The following MYH13 variants were observed in gnomAD, a reference collection of about 807,000 sequenced individuals.
MYH13 encodes myosin heavy chain 13.
In MYH13, 177 loss-of-function variants were observed where a neutral mutation model predicts 232.1. The observed-to-expected ratio is 0.76, with a 90% CI of 0.67 to 0.86. The LOEUF (loss-of-function observed/expected upper bound fraction) is 0.86. Among genes scored for constraint, MYH13 ranks in the 40% least tolerant of loss-of-function variants. The probability of loss-of-function intolerance (pLI) is 0.00; values close to 1 mark genes in which losing one functional copy is unlikely to be tolerated. For synonymous variants in MYH13, 884 were observed against 923.5 expected (o/e 0.96, Z 0.78); for missense variants, 2,246 against 2,405.9 (o/e 0.93, Z 1.39).
At chr17:10,341,507 G>C (rs2071619299) in intron 16 of MYH13, 1 of 152,130 alleles carries the variant, frequency 6.6e-6, no homozygotes, top group Non-Finnish European at 1.5e-5. Context: ...AACCCAATTT[G>C]CCATCTTAAT....
At chr17:10,372,040 C>T (rs1231991007) in intron 1 of MYH13, among the ~76,000 whole-genome samples, 1 of 152,046 alleles carries the variant, frequency 6.6e-6, no homozygotes, top group Non-Finnish European at 1.5e-5. Flanking sequence ...TTCATGAAGC[C>T]CTATTTAGGC....
chr17:10,364,335 C>T lies in MYH13; in HGVS notation c.196G>A (p.Asp66Asn), dbSNP rs755058556. Residue 66 changes from aspartate (D) to asparagine (N), a missense_variant, in exon 3 of 41, where the codon GAT (aspartate) becomes AAT (asparagine). Physicochemically the swap from Asp to Asn is conservative, Grantham distance 23. Coordinates refer to ENST00000252172, the MANE Select transcript of MYH13 (RefSeq NM_003802.3). Reference sequence around the variant, plus strand: ...CTGTAATCAACACTCACCCGGTCATCGAGGGTCTTGACTATGACTTTGTCA... The same window carrying T: ...CTGTAATCAACACTCACCCGGTCATTGAGGGTCTTGACTATGACTTTGTCA... ...ENDKVIVKTL[D>N]DRMLTLNNDQ... 1 of 1,613,076 alleles carries T rather than the reference C, an allele frequency of 6.2e-7. No homozygotes were observed. The highest frequency in any genetic ancestry group is 8.5e-7 in the Non-Finnish European group (1 of 1,179,240).
intron 12 of MYH13, 22 bp from the exon 13 acceptor site, chr17:10,346,820 G>T (rs752441769): frequency 4.4e-6 from 7 of 1,583,472 alleles, no homozygotes; most frequent in African/African-American, 1.3e-5. Context: ...GAAAAAAATG[G>T]CATCATGCAA....
At position 10,312,664 on chromosome 17, in the gene MYH13, C is replaced by A; in HGVS notation, c.4275G>T (p.Leu1425=). ...CASLEKTKQR[L]QGEVEDLMRD... ...GCATCAGATCCTCCACCTCTCCCTG[C>A]AGCCTCTGCTTGGTTTTCTCCAACG... The change falls in exon 31 of 41, where the codon CTG becomes CTT. Residue 1425 remains leucine, a synonymous_variant. Transcript: ENST00000252172. The A allele has an allele frequency of 6.2e-7, 1 of 1,613,526 alleles. No individual in the cohort carries two copies. The highest frequency in any genetic ancestry group is 8.5e-7 in the Non-Finnish European group (1 of 1,179,726).
chr17:10,311,896 G>C lies in MYH13; in HGVS notation c.4531+15C>G. The C allele has an allele frequency of 6.2e-7, 1 of 1,613,856 alleles. No individual in the cohort carries two copies. The highest frequency in any genetic ancestry group is 8.5e-7 in the Non-Finnish European group (1 of 1,179,858). On this transcript the variant is annotated intron_variant, in intron 32 of 40. Coordinates refer to ENST00000252172, the MANE Select transcript of MYH13 (RefSeq NM_003802.3). Reference sequence around the variant, plus strand: ...GAGGGGGACATAGCACACACCAGTGGTGGAGACAGCTCACCTTGCAGATTT... The same window carrying C: ...GAGGGGGACATAGCACACACCAGTGCTGGAGACAGCTCACCTTGCAGATTT...
At position 10,360,191 on chromosome 17, in the gene MYH13, A is replaced by G. The variant is rs1369564377; in HGVS notation, c.506-3T>C. 10 of 1,613,208 alleles carry G rather than the reference A, an allele frequency of 6.2e-6. No homozygotes were observed. The highest frequency in any genetic ancestry group is 8.5e-6 in the Non-Finnish European group (10 of 1,179,552). ...GAGGATAGACTGGTTGTCTCGATCTAGAAATGCAGAGGGAAGCAAAACAAA... is the reference window on the plus strand; with the variant it reads ...GAGGATAGACTGGTTGTCTCGATCTGGAAATGCAGAGGGAAGCAAAACAAA... On this transcript the variant is annotated splice_polypyrimidine_tract_variant and splice_region_variant and intron_variant, in intron 5 of 40. Transcript: ENST00000252172.
intron 12 of MYH13, among the ~76,000 whole-genome samples, chr17:10,347,612 C>T (rs545979281): frequency 7.9e-5 from 12 of 151,102 alleles, no homozygotes; most frequent in African/African-American, 2.9e-4. Flanking sequence ...TATATATTTT[C>T]ATATATTTCA....
intron 3 of MYH13, among the ~76,000 whole-genome samples, chr17:10,363,861 G>A (rs1444987156): frequency 6.6e-6 from 1 of 152,242 alleles, no homozygotes; most frequent in Non-Finnish European, 1.5e-5. Context: ...GAAAGCAGGT[G>A]CAGAGGTATG....
intron 24 of MYH13, 154 bp from the exon 25 acceptor site, chr17:10,320,650 C>T (rs890231457): frequency 5.1e-6 from 4 of 779,364 alleles, no homozygotes; most frequent in Non-Finnish European, 7.9e-6. Context: ...AAGTCTTGCC[C>T]CTACCTCCCC....
Position 10,301,771 on chromosome 17 carries a change from C to G in MYH13, c.5668-68G>C, listed in dbSNP as rs1321316160. 7 of 1,570,108 alleles carry G rather than the reference C, an allele frequency of 4.5e-6. No individual in the cohort carries two copies. The African/African-American group carries it at 8.1e-5, about 18-fold the overall frequency. Reference sequence around the variant, plus strand: ...AGTCCGATTATGAGGTGCCCTGTCTCTGAAGGCCTCTGAGGAGTTAAGCAA... The same window carrying G: ...AGTCCGATTATGAGGTGCCCTGTCTGTGAAGGCCTCTGAGGAGTTAAGCAA... On this transcript the variant is annotated intron_variant, in intron 39 of 40. Transcript: ENST00000252172.
chr17:10,347,790 C>T (rs551032544), intron 12 of MYH13, among the ~76,000 whole-genome samples: 9 of 144,484 alleles, frequency 6.2e-5, no homozygotes, highest in Admixed American at 2.2e-4. Flanking sequence ...GCGATCTCAG[C>T]TCACTGCAAG....
intron 39 of MYH13, among the ~76,000 whole-genome samples, chr17:10,302,166 C>T (rs1906116852): frequency 6.6e-6 from 1 of 152,162 alleles, no homozygotes; most frequent in South Asian, 2.1e-4. Context: ...ACCCTCTAGC[C>T]TGCCGATCCT....
At position 10,362,528 on chromosome 17, in the gene MYH13, T is replaced by C. The variant is rs747117171; in HGVS notation, c.205-25A>G. On this transcript the variant is annotated intron_variant, in intron 3 of 40. Coordinates refer to ENST00000252172, the MANE Select transcript of MYH13 (RefSeq NM_003802.3). ...TCTGGGTATTGAGAGGAAAAGCAGGTAATAAATTGGTGAGCCAAGTGCCCA... is the reference window on the plus strand; with the variant it reads ...TCTGGGTATTGAGAGGAAAAGCAGGCAATAAATTGGTGAGCCAAGTGCCCA... 7.4e-6 allele frequency: 12 copies of C among 1,613,944 alleles called. No homozygotes were observed. In the East Asian group the frequency reaches 2.7e-4, roughly 36 times the overall value.
At chr17:10,371,739 T>C (rs1408905776) in intron 1 of MYH13, among the ~76,000 whole-genome samples, 1 of 152,174 alleles carries the variant, frequency 6.6e-6, no homozygotes, top group Non-Finnish European at 1.5e-5. Context: ...ATGCTCCAGA[T>C]TGCAGCTTGG....
At chr17:10,315,667 G>T (rs17763418) in intron 29 of MYH13, 26 bp downstream of exon 29, 20,193 of 1,599,084 alleles carry the variant, frequency 0.013, 158 homozygotes, top group Non-Finnish European at 0.014. Flanking sequence ...TGGCTTCTCA[G>T]GTTCAATCTG....
At position 10,362,474 on chromosome 17, in the gene MYH13, G is replaced by C. The variant is rs1056173087; in HGVS notation, c.234C>G (p.Phe78Leu). 2 of 1,614,168 alleles carry C rather than the reference G, an allele frequency of 1.2e-6. No individual in the cohort carries two copies. Among genetic ancestry groups the C allele is most frequent in the Admixed American group, 3.3e-5 (2 of 60,022 alleles). The change falls in exon 4 of 41, where the codon TTC becomes TTG. Residue 78 changes from phenylalanine to leucine, a missense_variant. Physicochemically the swap from Phe to Leu is conservative, Grantham distance 22. Transcript: ENST00000252172. ...RMLTLNNDQV[F>L]PMNPPKFDKI... ...TGTCAAATTTGGGAGGGTTCATGGG[G>C]AAGACCTGGTCATTGTTCAGAGTGA...
chr17:10,313,354 C>A lies in MYH13; in HGVS notation c.3985G>T (p.Ala1329Ser). ...LKRQMEEETK[A>S]KNAMAHALQS... ...AGGGCGTGCGCCATGGCGTTCTTGG[C>A]CTGGGAATGACAGCGGTGACAAATT... Residue 1329 changes from alanine (A) to serine (S), a missense_variant and splice_region_variant, in exon 30 of 41, where the codon GCC becomes TCC. Physicochemically the swap from Ala to Ser is moderately conservative, Grantham distance 99. Transcript: ENST00000252172. The A allele has an allele frequency of 6.2e-7, 1 of 1,614,236 alleles. No homozygotes were observed. Among genetic ancestry groups the A allele is most frequent in the Non-Finnish European group, 8.5e-7 (1 of 1,180,040 alleles).
chr17:10,363,632 G>C (rs1400550258), intron 3 of MYH13, among the ~76,000 whole-genome samples: 1 of 152,126 alleles, frequency 6.6e-6, no homozygotes, highest in South Asian at 2.1e-4. Context: ...TGAGTCCCCC[G>C]TGTAGTGCTG....
intron 16 of MYH13, among the ~76,000 whole-genome samples, chr17:10,340,664 G>A (rs773283617): frequency 3.9e-5 from 6 of 152,058 alleles, no homozygotes; most frequent in Non-Finnish European, 8.8e-5. Flanking sequence ...GACTACAGGC[G>A]TGTGCTACCA....
Sources: allele counts gnomAD v4.1 joint callset (sites outside exome capture counted in the v4.1 genomes callset), GRCh38; gene constraint gnomAD v4.1.1; transcripts MANE v1.5; gene names NCBI Gene and HGNC (gene_info 2026-07-23, HGNC 2026-07-21).